The following ATP9B variants were observed in gnomAD, a reference collection of about 807,000 sequenced individuals.
ATP9B encodes the protein ATPase phospholipid transporting 9B.
Under a neutral mutation model 146.1 loss-of-function variants are expected in ATP9B, and 110 were observed. The ratio of observed to expected loss-of-function variants is 0.75; its 90% CI spans 0.65 to 0.88. The LOEUF is 0.88. Among genes scored for constraint, ATP9B ranks in the 40% least tolerant of loss-of-function variants. The pLI is 0.00. For synonymous variants in ATP9B, 604 were observed against 569.7 expected, an observed-to-expected ratio of 1.06 and a Z score of -0.86; for missense variants, 1,499 against 1,496.4, an observed-to-expected ratio of 1.00 and a Z score of -0.03.
At position 79,148,535 on chromosome 18, in the gene ATP9B, C is replaced by T. The variant is rs560540001; in HGVS notation, c.726+4675C>T. The stretch of plus-strand genomic sequence containing the variant: ...GTTGCAGGAAGACCATTTGACTTAA[C>T]CCAACACTCATTCATGATAAAAACT... On this transcript the variant is annotated intron_variant, in intron 6 of 29. Coordinates refer to ENST00000426216, the MANE Select transcript of ATP9B (RefSeq NM_198531.5). 7.2e-5 allele frequency among the ~76,000 whole-genome samples: 11 copies of T among 152,244 alleles called. No individual in the cohort carries two copies. The East Asian group carries it at 2.1e-3, about 29-fold the overall frequency.
intron 10 of ATP9B, among the ~76,000 whole-genome samples, chr18:79,208,745 G>A (rs1039326449): frequency 6.6e-6 from 1 of 151,784 alleles, no homozygotes; most frequent in African/African-American, 2.4e-5. Context: ...AATGTTATGT[G>A]TGTGTGTGTA....
intron 1 of ATP9B, among the ~76,000 whole-genome samples, chr18:79,081,441 T>C (rs899475221): frequency 6.6e-6 from 1 of 151,928 alleles, no homozygotes; most frequent in African/African-American, 2.4e-5. Flanking sequence ...TGTATTTCTG[T>C]GGGATCAGTG....
At chr18:79,246,674 A>G (rs568469617) in intron 11 of ATP9B, among the ~76,000 whole-genome samples, 1 of 152,336 alleles carries the variant, frequency 6.6e-6, no homozygotes, top group East Asian at 1.9e-4. Context: ...GACTGCAGGG[A>G]TCAGGACGCG....
At chr18:79,334,258 G>A (rs1485822226) in intron 17 of ATP9B, among the ~76,000 whole-genome samples, 1 of 152,080 alleles carries the variant, frequency 6.6e-6, no homozygotes, top group Non-Finnish European at 1.5e-5. Flanking sequence ...TGGGGAGGCT[G>A]AGGCAGGAGA....
chr18:79,308,656 T>G (rs112599594), intron 15 of ATP9B, among the ~76,000 whole-genome samples: 3 of 123,784 alleles, frequency 2.4e-5, no homozygotes, highest in South Asian at 2.8e-4. Flanking sequence ...TGATCCCCAG[T>G]AGGTAGAAGG....
At chr18:79,072,825 C>T (rs988329725) in intron 1 of ATP9B, among the ~76,000 whole-genome samples, 1 of 152,082 alleles carries the variant, frequency 6.6e-6, no homozygotes, top group African/African-American at 2.4e-5. Flanking sequence ...AGGGGCTCCT[C>T]ACCTCTCAGA....
At chr18:79,281,817 A>T (rs1599565284) in intron 13 of ATP9B, among the ~76,000 whole-genome samples, 2 of 152,210 alleles carry the variant, frequency 1.3e-5, no homozygotes, top group Admixed American at 1.3e-4. Context: ...GGAGGTCGGG[A>T]GTTCAAGACC....
intron 21 of ATP9B, among the ~76,000 whole-genome samples, chr18:79,344,593 T>A (rs1446682750): frequency 6.6e-6 from 1 of 152,238 alleles, no homozygotes; most frequent in East Asian, 1.9e-4. Flanking sequence ...TCATGCTGTT[T>A]TTAGGCAGTT....
chr18:79,296,980 G>A (rs1170966796), intron 13 of ATP9B, among the ~76,000 whole-genome samples: 2 of 147,488 alleles, frequency 1.4e-5, no homozygotes, highest in Admixed American at 1.3e-4. Context: ...ACAGAGAGAT[G>A]ACCCAGAGAG....
chr18:79,142,634 T>C (rs1187755122), intron 5 of ATP9B, among the ~76,000 whole-genome samples: 1 of 152,212 alleles, frequency 6.6e-6, no homozygotes, highest in African/African-American at 2.4e-5. Context: ...AATTAATGAT[T>C]TTAAAGCTCA....
chr18:79,147,109 A>G (rs1403970990), intron 6 of ATP9B, among the ~76,000 whole-genome samples: 1 of 152,248 alleles, frequency 6.6e-6, no homozygotes, highest in Non-Finnish European at 1.5e-5. Context: ...CACAGACAAA[A>G]AGAGATGTTA....
chr18:79,107,656 CT>C (rs2075744064), intron 2 of ATP9B, among the ~76,000 whole-genome samples: 1 of 152,206 alleles, frequency 6.6e-6, no homozygotes, highest in Non-Finnish European at 1.5e-5. Flanking sequence ...CAAAACATGA[CT>C]TTAAAATCCA....
At chr18:79,081,030 A>G in intron 1 of ATP9B, among the ~76,000 whole-genome samples, 1 of 152,120 alleles carries the variant, frequency 6.6e-6, no homozygotes, top group Non-Finnish European at 1.5e-5. Flanking sequence ...CCAGTATTTT[A>G]TTGAGGATTT....
intron 10 of ATP9B, among the ~76,000 whole-genome samples, chr18:79,211,280 G>A (rs1363385565): frequency 1.3e-5 from 2 of 152,214 alleles, no homozygotes; most frequent in African/African-American, 4.8e-5. Context: ...AAATACAACT[G>A]TAGTCAATTA....
intron 6 of ATP9B, among the ~76,000 whole-genome samples, chr18:79,151,729 T>G (rs74657602): frequency 3.4e-5 from 3 of 88,208 alleles, no homozygotes; most frequent in Non-Finnish European, 5.2e-5. Flanking sequence ...GTAGAAGTGT[T>G]TTTTTTTTTT....
At chr18:79,225,287 T>C (rs375699403) in intron 11 of ATP9B, among the ~76,000 whole-genome samples, 2 of 152,236 alleles carry the variant, frequency 1.3e-5, no homozygotes, top group African/African-American at 2.4e-5. Context: ...AACTAAAACA[T>C]GTATATAATA....
At chr18:79,342,161 G>A (rs1045828020) in intron 19 of ATP9B, 107 bp from the exon 20 acceptor site, 9 of 745,334 alleles carry the variant, frequency 1.2e-5, no homozygotes, top group African/African-American at 1.0e-4. Flanking sequence ...ATCTATTGAC[G>A]GGCACCTGGG....
intron 29 of ATP9B, 80 bp from the exon 30 acceptor site, chr18:79,377,167 G>A (rs2097107554): frequency 6.5e-7 from 1 of 1,547,218 alleles, no homozygotes; most frequent in Middle Eastern, 1.7e-4. Flanking sequence ...CTGGTGGCCT[G>A]GCCAGGTCTG....
chr18:79,072,573 T>C (rs2071993338), intron 1 of ATP9B, among the ~76,000 whole-genome samples: 1 of 118,696 alleles, frequency 8.4e-6, no homozygotes, highest in African/African-American at 2.5e-5. Context: ...ACAGTAACAA[T>C]CTGATCTCTC....
Sources: allele counts gnomAD v4.1 joint callset (sites outside exome capture counted in the v4.1 genomes callset), GRCh38; gene constraint gnomAD v4.1.1; transcripts MANE v1.5; gene names NCBI Gene and HGNC (gene_info 2026-07-23, HGNC 2026-07-21).